Variants in CACNA1B observed in about 807,000 individuals in gnomAD.
The protein encoded by CACNA1B is calcium voltage-gated channel subunit alpha1 B.
A neutral mutation model predicts 247.2 loss-of-function variants in CACNA1B; 70 were observed. That is an observed-to-expected ratio of 0.28 (90% CI 0.23 to 0.35). The LOEUF (loss-of-function observed/expected upper bound fraction) is 0.35, where lower values mean the gene tolerates loss of function less well. Among genes scored for constraint, CACNA1B ranks in the 10% least tolerant of loss-of-function variants. The probability of loss-of-function intolerance (pLI) is 1.00; values close to 1 mark genes in which losing one functional copy is unlikely to be tolerated. For missense variants in CACNA1B, 2,367 were observed against 3,197.4 expected (o/e 0.74, Z 6.26); for synonymous variants, 1,231 against 1,294.4 (o/e 0.95, Z 1.05).
rs1368825123 is a variant in CACNA1B, at chr9:138,057,818, T to C, written c.4055T>C (p.Leu1352Pro). The change falls in exon 27 of 47, where the codon CTC becomes CCC. Residue 1352 changes from leucine (L) to proline (P), a missense_variant. Physicochemically the swap from Leu to Pro is moderately conservative, Grantham distance 98. Coordinates refer to ENST00000371372, the MANE Select transcript of CACNA1B (RefSeq NM_000718.4). The surrounding 1 kb of genome is among the most constrained non-coding windows in gnomAD (Gnocchi z 4.0). ...TACGACTTTCACTACGACAATGTGCTCTGGGCTCTGCTGACGCTGTTCACA... is the reference window on the plus strand; with the variant it reads ...TACGACTTTCACTACGACAATGTGCCCTGGGCTCTGCTGACGCTGTTCACA... ...KKYDFHYDNV[L>P]WALLTLFTVS... is the part of the protein sequence containing the mutation. The C allele has an allele frequency of 1.2e-6, 2 of 1,612,556 alleles. No individual in the cohort carries two copies. The highest frequency in any genetic ancestry group is 1.7e-6 in the Non-Finnish European group (2 of 1,178,886).
intron 6 of CACNA1B, among the ~76,000 whole-genome samples, chr9:137,949,871 T>G (rs1957859339): frequency 6.6e-6 from 1 of 152,142 alleles, no homozygotes; most frequent in East Asian, 1.9e-4. Context: ...TACTGTCAAG[T>G]GTACTTGACC....
In CACNA1B at chr9:138,046,996, C is replaced by T; in HGVS notation, c.3506C>T (p.Ala1169Val). 1.9e-6 allele frequency: 3 copies of T among 1,613,528 alleles called. No homozygotes were observed. The highest frequency in any genetic ancestry group is 2.5e-6 in the Non-Finnish European group (3 of 1,179,634). ...VIALSSIALA[A>V]EDPVRTDSPR... ...GCCTTGAGCAGCATCGCCCTGGCTG[C>T]TGAGGACCCAGTGCGCACAGACTCG... Residue 1169 changes from alanine to valine, a missense_variant, in exon 22 of 47, where the codon GCT becomes GTT. This residue lies in a region of CACNA1B where 436 missense variants were observed against 679.5 expected (regional missense o/e 0.64). Transcript: ENST00000371372.
In CACNA1B at chr9:137,917,425, C is replaced by G. The variant is rs1957424402; in HGVS notation, c.960C>G (p.Leu320=). The change falls in exon 6 of 47, where the codon CTC becomes CTG. Residue 320 remains leucine (L), a synonymous_variant. Coordinates refer to ENST00000371372, the MANE Select transcript of CACNA1B (RefSeq NM_000718.4). The surrounding 1 kb of genome is among the most constrained non-coding windows in gnomAD (Gnocchi z 5.5). ...CITMEGWTDI[L]YNTNDAAGNT... ...CCATGGAGGGCTGGACTGACATCCT[C>G]TATAATGTGAGTGGCGTCTTGGCCC... 1 of 1,613,350 alleles carries G rather than the reference C, an allele frequency of 6.2e-7. No individual in the cohort carries two copies. The highest frequency in any genetic ancestry group is 1.7e-4 in the Middle Eastern group (1 of 6,044).
chr9:137,891,574 T>C lies in CACNA1B; in HGVS notation c.530+8691T>C, dbSNP rs559710627. 9.4e-4 allele frequency: 178 copies of C among 189,028 alleles called. 1 individual carries two copies. The highest frequency in any genetic ancestry group is 3.9e-3 in the African/African-American group (165 of 42,076). 11.7% of individuals were successfully genotyped at this position (189,028 alleles called of 1,614,324 possible). A position where few individuals can be genotyped will look rare whatever the true frequency, so the allele number is the denominator to read the frequency against. ...GGTTCAAGTTCATACCCCGGGAGGG[T>C]GGGAGCCTTGCTCCTGTGGGCACGT... On this transcript the variant is annotated intron_variant, in intron 3 of 46. Coordinates refer to ENST00000371372, the MANE Select transcript of CACNA1B (RefSeq NM_000718.4). This position sits in a 1 kb window ranked among gnomAD's most constrained non-coding sequence, Gnocchi z 4.3.
intron 18 of CACNA1B, among the ~76,000 whole-genome samples, chr9:138,019,639 G>A (rs567546755): frequency 6.6e-6 from 1 of 151,596 alleles, no homozygotes; most frequent in Non-Finnish European, 1.5e-5. Context: ...TGAGGCCCCT[G>A]CCGCCCCCGC....
chr9:138,064,550 C>T (rs184347615), intron 31 of CACNA1B, among the ~76,000 whole-genome samples: 62 of 152,340 alleles, frequency 4.1e-4, no homozygotes, highest in Non-Finnish European at 6.5e-4. Flanking sequence ...TTGGCGCTGC[C>T]CCTCTGTCCT....
rs546837947 is a variant in CACNA1B, at chr9:137,975,011, G to A, written c.1544-896G>A. ...GCCTAGGACTCCTGGCTCAGCCAGC[G>A]GCTGGGCCTCGCTGGGCCTCCTGCT... On this transcript the variant is annotated intron_variant, in intron 11 of 46. Transcript: ENST00000371372. 6.5e-4 allele frequency among the ~76,000 whole-genome samples: 99 copies of A among 152,298 alleles called. No homozygotes were observed. In the Middle Eastern group the frequency reaches 0.01, roughly 16 times the overall value.
Position 138,023,135 on chromosome 9 carries a change from C to T in CACNA1B, c.2392C>T (p.Arg798Cys), listed in dbSNP as rs1480309391. The change falls in exon 19 of 47, where the codon CGC (arginine) becomes TGC (cysteine). Residue 798 changes from arginine to cysteine, a missense_variant. Physicochemically the swap from Arg to Cys is radical, Grantham distance 180. Around this residue, in one of 12 missense-constraint regions of CACNA1B, gnomAD observed 631 missense variants for 631.1 expected, o/e 1.00. Transcript: ENST00000371372. ...YSEMDPEERL[R>C]FATTRHLRPD... ...CGAGATGGACCCCGAGGAGCGGCTG[C>T]GCTTCGCCACTACGCGCCACCTGCG... The T allele has an allele frequency of 9.1e-6, 14 of 1,536,614 alleles. No homozygotes were observed. Among genetic ancestry groups the T allele is most frequent in the Admixed American group, 3.9e-5 (2 of 51,500 alleles).
intron 24 of CACNA1B, among the ~76,000 whole-genome samples, chr9:138,049,661 T>G (rs1037348723): frequency 6.6e-6 from 1 of 152,148 alleles, no homozygotes; most frequent in Non-Finnish European, 1.5e-5. Flanking sequence ...GTGTCCAGCG[T>G]TTGCCTCCCA....
chr9:138,053,547 T>G (rs1959371357), intron 25 of CACNA1B, among the ~76,000 whole-genome samples: 1 of 151,768 alleles, frequency 6.6e-6, no homozygotes, highest in Admixed American at 6.6e-5. Context: ...TTCCGGCCCC[T>G]CCCTGTGGCT....
chr9:137,980,707 C>T (rs1165438311), intron 12 of CACNA1B, among the ~76,000 whole-genome samples: 2 of 152,176 alleles, frequency 1.3e-5, no homozygotes, highest in Non-Finnish European at 2.9e-5. Context: ...TTGTTCCCTT[C>T]TTTGTGTCCA....
In CACNA1B at chr9:138,112,497, C is replaced by T. The variant is rs1961675443; in HGVS notation, c.5528C>T (p.Pro1843Leu). 2 of 1,601,440 alleles carry T rather than the reference C, an allele frequency of 1.2e-6. No individual in the cohort carries two copies. Among genetic ancestry groups the T allele is most frequent in the Non-Finnish European group, 1.7e-6 (2 of 1,168,622 alleles). ...AAGACTTTGGACTTGCTGGTACCACCCCATAAGCGTAAGTGTGAGGGTGAG... is the reference window on the plus strand; with the variant it reads ...AAGACTTTGGACTTGCTGGTACCACTCCATAAGCGTAAGTGTGAGGGTGAG... ...PQKTLDLLVP[P>L]HKPDEMTVGK... The change falls in exon 40 of 47, where the codon CCC (proline) becomes CTC (leucine). Residue 1843 changes from proline to leucine, a missense_variant. By Grantham distance (98) the Pro-to-Leu change is moderately conservative. Coordinates refer to ENST00000371372, the MANE Select transcript of CACNA1B (RefSeq NM_000718.4).
rs564862778 is a variant in CACNA1B, at chr9:138,000,252, C to G, written c.1975-6515C>G. ...TGGCTGGGACTACAGGCGCCCGCCA[C>G]TACGCCCGGCTAATTTTTTGTATTT... On this transcript the variant is annotated intron_variant, in intron 15 of 46. Coordinates refer to ENST00000371372, the MANE Select transcript of CACNA1B (RefSeq NM_000718.4). Among the ~76,000 whole-genome samples, 544 of 152,148 alleles carry G rather than the reference C, an allele frequency of 3.6e-3. 3 individuals are homozygous for G. Among genetic ancestry groups the G allele is most frequent in the African/African-American group, 0.012 (514 of 41,492 alleles).
chr9:138,060,137 C>G (rs532412144), intron 31 of CACNA1B, among the ~76,000 whole-genome samples: 1 of 152,138 alleles, frequency 6.6e-6, no homozygotes, highest in African/African-American at 2.4e-5. Flanking sequence ...CTATCTCTCT[C>G]TATATATATC....
chr9:137,884,738 C>T (rs184318216), intron 3 of CACNA1B, among the ~76,000 whole-genome samples: 2 of 151,978 alleles, frequency 1.3e-5, no homozygotes, highest in African/African-American at 4.8e-5. Context: ...CCTCATGGGG[C>T]GCTGTCCATG....
chr9:138,008,330 C>T (rs555206460), intron 16 of CACNA1B, among the ~76,000 whole-genome samples: 140 of 152,334 alleles, frequency 9.2e-4, no homozygotes, highest in Non-Finnish European at 1.5e-3. Flanking sequence ...ATGCTGGCCA[C>T]GAGCGTCCCC....
At chr9:138,082,838 C>T (rs912758363) in intron 36 of CACNA1B, among the ~76,000 whole-genome samples, 6 of 150,952 alleles carry the variant, frequency 4.0e-5, no homozygotes, top group African/African-American at 9.8e-5. Flanking sequence ...GGGAGAGTCT[C>T]GGAGTACATC....
rs1335873084 is a variant in CACNA1B at position 137,880,187 on chromosome 9, G to A, written c.390+1028G>A. Among the ~76,000 whole-genome samples, 1 of 151,878 alleles carries A rather than the reference G, an allele frequency of 6.6e-6. No individual in the cohort carries two copies. The highest frequency in any genetic ancestry group is 1.5e-5 in the Non-Finnish European group (1 of 67,964). The stretch of plus-strand genomic sequence containing the variant: ...CCAGGAGTGCAGAAGGGGAGACAGG[G>A]AGCCTGTCCTGGAGGTGAGGCACCA... On this transcript the variant is annotated intron_variant, in intron 2 of 46. Transcript: ENST00000371372. This position sits in a 1 kb window ranked among gnomAD's most constrained non-coding sequence, Gnocchi z 4.8.
chr9:138,058,996 C>A lies in CACNA1B; in HGVS notation c.4474-83C>A. On this transcript the variant is annotated intron_variant, in intron 29 of 46. Coordinates refer to ENST00000371372, the MANE Select transcript of CACNA1B (RefSeq NM_000718.4). The surrounding 1 kb of genome is among the most constrained non-coding windows in gnomAD (Gnocchi z 4.7). ...AGGCAGGCATCGAGTTCTGTCTGCCCGCTTTGCTTGGTCATAGTGGTCCCA... is the reference window on the plus strand; with the variant it reads ...AGGCAGGCATCGAGTTCTGTCTGCCAGCTTTGCTTGGTCATAGTGGTCCCA... The A allele has an allele frequency of 1.2e-6, 1 of 845,784 alleles. No homozygotes were observed. The highest frequency in any genetic ancestry group is 2.0e-6 in the Non-Finnish European group (1 of 505,430). The allele number at this position is 845,784 out of a possible 1,614,324, so 52.4% of individuals were successfully genotyped here.
Sources: gnomAD v4.1 joint callset for allele counts (sites outside exome capture counted in the v4.1 genomes callset) on GRCh38, gnomAD v4.1.1 for gene constraint, gnomAD v4.1.1 regional missense constraint, Gnocchi (gnomAD v3.1) non-coding constraint, MANE v1.5 for transcripts, NCBI Gene and HGNC (gene_info 2026-07-23, HGNC 2026-07-21) for gene names.